Variants in MACROD2 observed in about 807,000 individuals in gnomAD.
MACROD2 encodes ADP-ribose glycohydrolase MACROD2.
MACROD2 carries 36 observed loss-of-function variants against 70.4 expected under a neutral mutation model. The ratio of observed to expected loss-of-function variants is 0.51; its 90% CI spans 0.39 to 0.68. The LOEUF (loss-of-function observed/expected upper bound fraction) is 0.68. Ranked by LOEUF, MACROD2 falls within the 30% of genes least tolerant of loss-of-function variation. The pLI, the probability that MACROD2 is intolerant of heterozygous loss-of-function variation, is 0.00. For synonymous variants in MACROD2, 172 were observed against 178.8 expected, an observed-to-expected ratio of 0.96 and a Z score of 0.30; for missense variants, 496 against 538.4, an observed-to-expected ratio of 0.92 and a Z score of 0.78.
At chr20:14,191,076 CACATTACATTCGTGTGCAT>C (rs1180287427) in intron 3 of MACROD2, among the ~76,000 whole-genome samples, 303 of 152,148 alleles carry the variant, frequency 2.0e-3, no homozygotes, top group Admixed American at 6.5e-3. Flanking sequence ...ATCTCAGAGG[CACATTACATTCGTGTGCAT>C]ACTGTCCACA....
At chr20:15,606,986 G>A (rs1385664064) in intron 8 of MACROD2, among the ~76,000 whole-genome samples, 2 of 139,822 alleles carry the variant, frequency 1.4e-5, no homozygotes, top group African/African-American at 5.5e-5. Flanking sequence ...TGGGCAACGA[G>A]AGCAAAACTC....
At chr20:15,692,283 G>A (rs920553552) in intron 8 of MACROD2, among the ~76,000 whole-genome samples, 17 of 152,092 alleles carry the variant, frequency 1.1e-4, no homozygotes, top group Non-Finnish European at 1.6e-4. Flanking sequence ...TCACCAGGGG[G>A]ATGATGAACA....
intron 3 of MACROD2, among the ~76,000 whole-genome samples, chr20:14,492,605 T>C (rs1444453492): frequency 2.0e-5 from 3 of 152,148 alleles, no homozygotes; most frequent in Admixed American, 2.0e-4. Flanking sequence ...TTTAGTCTTT[T>C]GGTAACTCAG....
At chr20:15,414,224 G>T (rs894090644) in intron 6 of MACROD2, among the ~76,000 whole-genome samples, 1 of 152,166 alleles carries the variant, frequency 6.6e-6, no homozygotes, top group Non-Finnish European at 1.5e-5. Context: ...AAAGTTCTTA[G>T]TTTGAAGAAT....
intron 3 of MACROD2, among the ~76,000 whole-genome samples, chr20:14,273,321 G>C (rs1421458352): frequency 6.6e-5 from 10 of 151,716 alleles, no homozygotes; most frequent in South Asian, 4.2e-4. Context: ...AATCAAACTA[G>C]AACTCAGGAT....
At chr20:15,748,591 CTT>C (rs1209408128) in intron 8 of MACROD2, among the ~76,000 whole-genome samples, 1 of 152,102 alleles carries the variant, frequency 6.6e-6, no homozygotes, top group East Asian at 1.9e-4. Context: ...TGGACATTGA[CTT>C]CTGTTCCTCT....
chr20:15,362,628 T>G (rs1428489299), intron 6 of MACROD2, among the ~76,000 whole-genome samples: 3 of 152,160 alleles, frequency 2.0e-5, no homozygotes, highest in Non-Finnish European at 4.4e-5. Context: ...TTTTAAATAG[T>G]TATTCAATTC....
intron 5 of MACROD2, among the ~76,000 whole-genome samples, chr20:15,187,509 C>G (rs2039077958): frequency 6.6e-6 from 1 of 152,078 alleles, no homozygotes; most frequent in Non-Finnish European, 1.5e-5. Context: ...ACAGCTGTCC[C>G]CATGCACAAC....
At chr20:14,560,532 A>T (rs7264547) in intron 4 of MACROD2, among the ~76,000 whole-genome samples, 3,036 of 152,048 alleles carry the variant, frequency 0.02, 82 homozygotes, top group African/African-American at 0.048. Flanking sequence ...AGGAAATTTT[A>T]AAATGTCACA....
intron 5 of MACROD2, among the ~76,000 whole-genome samples, chr20:14,848,954 G>A (rs903946078): frequency 6.6e-6 from 1 of 152,036 alleles, no homozygotes; most frequent in South Asian, 2.1e-4. Context: ...CTTATCGGTC[G>A]TGGCATTTTT....
At chr20:14,569,479 G>T (rs975530778) in intron 4 of MACROD2, among the ~76,000 whole-genome samples, 1 of 151,922 alleles carries the variant, frequency 6.6e-6, no homozygotes, top group South Asian at 2.1e-4. Flanking sequence ...TTGTATTCCT[G>T]TGTGCCTATT....
intron 6 of MACROD2, among the ~76,000 whole-genome samples, chr20:15,317,507 A>ATCTATCTATCTATCTATCTG: frequency 6.8e-6 from 1 of 147,310 alleles, no homozygotes; most frequent in Non-Finnish European, 1.5e-5. Flanking sequence ...CTATCTATCT[A>ATCTATCTATCTATCTATCTG]TCTATCTATC....
intron 5 of MACROD2, among the ~76,000 whole-genome samples, chr20:15,069,753 C>T (rs543301794): frequency 1.5e-3 from 226 of 152,338 alleles, no homozygotes; most frequent in African/African-American, 4.9e-3. Context: ...TGGTAGCTTC[C>T]ACCTACATTT....
intron 5 of MACROD2, among the ~76,000 whole-genome samples, chr20:15,041,351 G>A (rs908076388): frequency 4.6e-5 from 7 of 152,022 alleles, no homozygotes; most frequent in Non-Finnish European, 7.4e-5. Flanking sequence ...GCCCACTTCT[G>A]GCCATATATC....
chr20:14,029,060 ATGT>A (rs2053216705), intron 2 of MACROD2, among the ~76,000 whole-genome samples: 1 of 152,176 alleles, frequency 6.6e-6, no homozygotes, highest in South Asian at 2.1e-4. Context: ...TTACCGGATG[ATGT>A]TAATGAAAGG....
chr20:14,564,588 A>G (rs1469858493), intron 4 of MACROD2, among the ~76,000 whole-genome samples: 1 of 152,040 alleles, frequency 6.6e-6, no homozygotes, highest in Non-Finnish European at 1.5e-5. Flanking sequence ...CCCAACAAAC[A>G]TGAAAAAATG....
At chr20:15,090,733 A>C (rs1244518466) in intron 5 of MACROD2, among the ~76,000 whole-genome samples, 1 of 152,042 alleles carries the variant, frequency 6.6e-6, no homozygotes, top group African/African-American at 2.4e-5. Context: ...AACATGAAAG[A>C]AGCCCATGCA....
At chr20:15,358,224 A>G (rs181390370) in intron 6 of MACROD2, among the ~76,000 whole-genome samples, 2 of 152,294 alleles carry the variant, frequency 1.3e-5, no homozygotes, top group African/African-American at 4.8e-5. Flanking sequence ...AGAGATTACC[A>G]GTTGGTAGGA....
At chr20:15,187,346 C>CA (rs1445584572) in intron 5 of MACROD2, among the ~76,000 whole-genome samples, 3 of 151,942 alleles carry the variant, frequency 2.0e-5, no homozygotes, top group Non-Finnish European at 4.4e-5. Context: ...CTTGAACACA[C>CA]AAAAAAGTAA....
Sources: gnomAD v4.1 joint callset for allele counts (sites outside exome capture counted in the v4.1 genomes callset) on GRCh38, gnomAD v4.1.1 for gene constraint, MANE v1.5 for transcripts, NCBI Gene and HGNC (gene_info 2026-07-23, HGNC 2026-07-21) for gene names.